Variants in NCOA6 observed in about 807,000 individuals in gnomAD.
NCOA6 encodes the protein NRC RAP250.
In NCOA6, 49 loss-of-function variants were observed where a neutral mutation model predicts 171.4. The ratio of observed to expected loss-of-function variants is 0.29; its 90% CI spans 0.23 to 0.36. NCOA6 has a LOEUF of 0.36. NCOA6 is among the 10% of genes least tolerant of loss of function. The probability of loss-of-function intolerance (pLI) is 1.00; values close to 1 mark genes in which losing one functional copy is unlikely to be tolerated. For missense variants in NCOA6, 2,248 were observed against 2,554.5 expected (o/e 0.88, Z 2.59); for synonymous variants, 910 against 927.5 (o/e 0.98, Z 0.34).
chr20:34,714,947 C>T lies in NCOA6; in HGVS notation c.*375G>A, dbSNP rs1988353956. The T allele has an allele frequency of 5.9e-6, 1 of 170,304 alleles. No individual in the cohort carries two copies. 10.5% of individuals were successfully genotyped at this position (170,304 alleles called of 1,614,324 possible). A position where few individuals can be genotyped will look rare whatever the true frequency, so the allele number is the denominator to read the frequency against. On this transcript the variant is annotated 3_prime_UTR_variant, in exon 15 of 15. Coordinates refer to ENST00000359003, the MANE Select transcript of NCOA6 (RefSeq NM_014071.5). Reference sequence around the variant, plus strand: ...ACAACATTTCCAAATGAGAAGATTGCTTTTGCCCCCACTACTGCTATTCAC... The same window carrying T: ...ACAACATTTCCAAATGAGAAGATTGTTTTTGCCCCCACTACTGCTATTCAC...
intron 1 of NCOA6, among the ~76,000 whole-genome samples, chr20:34,812,153 T>A (rs1298720659): frequency 6.6e-6 from 1 of 151,808 alleles, no homozygotes; most frequent in Non-Finnish European, 1.5e-5. Flanking sequence ...CTTGGGAGGC[T>A]GAGGCATGAG....
intron 1 of NCOA6, among the ~76,000 whole-genome samples, chr20:34,797,205 C>T (rs915120300): frequency 6.6e-6 from 1 of 152,030 alleles, no homozygotes; most frequent in Admixed American, 6.6e-5. Flanking sequence ...CTCACAGCTC[C>T]GGGAAAGACT....
chr20:34,744,445 G>A (rs1310905178), intron 10 of NCOA6, among the ~76,000 whole-genome samples: 2 of 152,198 alleles, frequency 1.3e-5, no homozygotes, highest in African/African-American at 4.8e-5. Context: ...CCACAAACTA[G>A]ATTTATTCCA....
chr20:34,802,532 C>T (rs1006021647), intron 1 of NCOA6, among the ~76,000 whole-genome samples: 1 of 151,756 alleles, frequency 6.6e-6, no homozygotes, highest in Admixed American at 6.6e-5. Context: ...ACCAGGGAGT[C>T]GGAAGTTGCA....
chr20:34,770,440 G>A (rs1275289256), intron 4 of NCOA6, among the ~76,000 whole-genome samples: 3 of 152,072 alleles, frequency 2.0e-5, no homozygotes, highest in Non-Finnish European at 4.4e-5. Context: ...CTTGCCTCTA[G>A]AAGTCAGGCG....
chr20:34,752,215 G>A (rs535049814), intron 8 of NCOA6, among the ~76,000 whole-genome samples: 37 of 152,278 alleles, frequency 2.4e-4, no homozygotes, highest in Admixed American at 4.6e-4. Context: ...TATGAAGCCA[G>A]TCCATGCTCC....
At chr20:34,752,803 T>C (rs1170407395) in intron 8 of NCOA6, among the ~76,000 whole-genome samples, 1 of 150,888 alleles carries the variant, frequency 6.6e-6, no homozygotes, top group African/African-American at 2.4e-5. Context: ...TAATCCCAGC[T>C]ACTTGGGAAG....
intron 9 of NCOA6, among the ~76,000 whole-genome samples, chr20:34,747,863 T>C (rs1350206609): frequency 6.6e-6 from 1 of 152,198 alleles, no homozygotes; most frequent in East Asian, 1.9e-4. Flanking sequence ...AATTCAGTGG[T>C]AACCTTTACT....
intron 2 of NCOA6, among the ~76,000 whole-genome samples, chr20:34,789,504 G>A (rs2077797200): frequency 6.6e-6 from 1 of 152,160 alleles, no homozygotes; most frequent in African/African-American, 2.4e-5. Flanking sequence ...TAGGTGTGCT[G>A]GTTCACACCT....
At chr20:34,734,408 G>T (rs1399815139) in intron 12 of NCOA6, among the ~76,000 whole-genome samples, 1 of 152,050 alleles carries the variant, frequency 6.6e-6, no homozygotes, top group Non-Finnish European at 1.5e-5. Flanking sequence ...CTCCCAGGCT[G>T]GAGTGCAATG....
chr20:34,768,559 G>A lies in NCOA6; in HGVS notation c.419C>T (p.Ala140Val), dbSNP rs2077049348. 2 of 1,614,042 alleles carry A rather than the reference G, an allele frequency of 1.2e-6. No homozygotes were observed. The highest frequency in any genetic ancestry group is 4.5e-5 in the East Asian group (2 of 44,876). ...TCTCACATCTTGGCTTCGGTTCTGA[G>A]CCAAAGCCAGGTTAATAGCACCTTC... Reference protein sequence around the residue: ...EGEGAINLALAQNRSQDVRMN... With the variant: ...EGEGAINLALVQNRSQDVRMN... Residue 140 changes from alanine (A) to valine (V), a missense_variant, in exon 5 of 15, where the codon GCT (alanine) becomes GTT (valine). Around this residue, in one of 7 missense-constraint regions of NCOA6, gnomAD observed 987 missense variants for 1,104.7 expected, o/e 0.89. Transcript: ENST00000359003.
At chr20:34,801,801 G>A (rs1049077194) in intron 1 of NCOA6, among the ~76,000 whole-genome samples, 3 of 152,112 alleles carry the variant, frequency 2.0e-5, no homozygotes, top group Non-Finnish European at 4.4e-5. Flanking sequence ...GGAGGTGGAG[G>A]TTGCAATGAG....
intron 4 of NCOA6, among the ~76,000 whole-genome samples, chr20:34,770,635 CTT>C (rs371855705): frequency 2.8e-5 from 4 of 144,880 alleles, no homozygotes; most frequent in African/African-American, 2.5e-5. Flanking sequence ...GGCCAAACTT[CTT>C]TTTTTTTTTT....
intron 14 of NCOA6, among the ~76,000 whole-genome samples, chr20:34,721,203 A>C (rs1383175694): frequency 7.4e-6 from 1 of 134,654 alleles, no homozygotes; most frequent in East Asian, 2.3e-4. Flanking sequence ...AAAACCCAAA[A>C]GGGACCTATC....
chr20:34,731,654 A>C (rs1187491010), intron 13 of NCOA6, among the ~76,000 whole-genome samples: 3 of 152,252 alleles, frequency 2.0e-5, no homozygotes, highest in Non-Finnish European at 4.4e-5. Flanking sequence ...ATTAAATGAA[A>C]AAAATATTGT....
intron 12 of NCOA6, among the ~76,000 whole-genome samples, chr20:34,734,644 C>G (rs1231119961): frequency 6.6e-6 from 1 of 152,088 alleles, no homozygotes; most frequent in Admixed American, 6.6e-5. Context: ...TTACACCCGG[C>G]CTAGTTTGCT....
intron 13 of NCOA6, among the ~76,000 whole-genome samples, chr20:34,730,895 C>T (rs1394619149): frequency 6.6e-6 from 1 of 151,682 alleles, no homozygotes; most frequent in Admixed American, 6.6e-5. Flanking sequence ...TTTGTATAGA[C>T]AGGGTTTCAC....
chr20:34,720,178 G>C (rs1989153484), intron 14 of NCOA6, among the ~76,000 whole-genome samples: 1 of 152,170 alleles, frequency 6.6e-6, no homozygotes, highest in African/African-American at 2.4e-5. Context: ...ATTCTAAATG[G>C]AGGAGTAAAT....
At chr20:34,721,118 A>C (rs927101576) in intron 14 of NCOA6, among the ~76,000 whole-genome samples, 1 of 151,918 alleles carries the variant, frequency 6.6e-6, no homozygotes, top group South Asian at 2.1e-4. Flanking sequence ...TGGTTCCTGA[A>C]ACAGCTCTGA....
Sources: gnomAD v4.1 joint callset for allele counts (sites outside exome capture counted in the v4.1 genomes callset) on GRCh38, gnomAD v4.1.1 for gene constraint, gnomAD v4.1.1 regional missense constraint, MANE v1.5 for transcripts, NCBI Gene and HGNC (gene_info 2026-07-23, HGNC 2026-07-21) for gene names.